CEP290: variants seen among roughly 807,000 people sequenced by gnomAD.
The protein encoded by CEP290 is centrosomal protein 290, also known as centrosomal protein of 290 kDa.
CEP290 carries 317 observed loss-of-function variants against 344.9 expected under a neutral mutation model. The ratio of observed to expected loss-of-function variants is 0.92; its 90% CI spans 0.84 to 1.01. The LOEUF (loss-of-function observed/expected upper bound fraction) is 1.01. CEP290 is among the 50% of genes least tolerant of loss of function. CEP290 has a pLI of 0.00. For missense variants in CEP290, 2,754 were observed against 2,761.4 expected (o/e 1.00, Z 0.06); for synonymous variants, 932 against 895.8 (o/e 1.04, Z -0.72).
chr12:88,124,577 T>G (rs1422969535), intron 13 of CEP290, among the ~76,000 whole-genome samples: 1 of 151,762 alleles, frequency 6.6e-6, no homozygotes, highest in Non-Finnish European at 1.5e-5. Flanking sequence ...TATATATATG[T>G]GTATATATGT....
chr12:88,103,121 AT>A (rs1565871063), intron 25 of CEP290, 110 bp from the exon 26 acceptor site: 1 of 538,830 alleles, frequency 1.9e-6, no homozygotes, highest in Non-Finnish European at 3.0e-6. Flanking sequence ...TTTTAAAATC[AT>A]TTTTAAAATA....
chr12:88,131,212 G>C lies in CEP290; in HGVS notation c.448C>G (p.Leu150Val). The part of the protein sequence containing the change: ...KEKKVNEQLA[L>V]RNEEAENENS... Reference sequence around the variant, plus strand: ...TCATTTTCTGCCTCCTCATTTCGAAGAGCCAACTAAAATAGTAAAAAAAAA... The same window carrying C: ...TCATTTTCTGCCTCCTCATTTCGAACAGCCAACTAAAATAGTAAAAAAAAA... The change falls in exon 7 of 54, where the codon CTT becomes GTT. Residue 150 changes from leucine to valine, a missense_variant. By Grantham distance (32) the Leu-to-Val change is conservative. Coordinates refer to ENST00000552810, the MANE Select transcript of CEP290 (RefSeq NM_025114.4). The C allele has an allele frequency of 1.3e-6, 2 of 1,489,176 alleles. No homozygotes were observed. The highest frequency in any genetic ancestry group is 1.5e-5 in the African/African-American group (1 of 67,718). The allele number at this position is 1,489,176 out of a possible 1,614,324, so 92.2% of individuals were successfully genotyped here.
intron 32 of CEP290, among the ~76,000 whole-genome samples, chr12:88,086,798 T>C (rs1177350548): frequency 1.3e-5 from 2 of 152,028 alleles, no homozygotes. Flanking sequence ...TTCTAGGAAA[T>C]ACAAACATGG....
intron 28 of CEP290, 43 bp from the exon 29 acceptor site, chr12:88,092,875 G>A: frequency 6.3e-7 from 1 of 1,585,146 alleles, no homozygotes. Flanking sequence ...ATCAATTTTT[G>A]GTGAGGTTTT....
Position 88,109,124 on chromosome 12 carries a change from T to C in CEP290, c.2425A>G (p.Asn809Asp), listed in dbSNP as rs1346200126. Residue 809 changes from asparagine to aspartate, a missense_variant, in exon 23 of 54, where the codon AAC (asparagine) becomes GAC (aspartate). Asn to Asp is a conservative substitution (Grantham distance 23). Transcript: ENST00000552810. The part of the protein sequence containing the change: ...KNLEDSLEDY[N>D]RKFAVIRHQQ... ...TGACGAATTACAGCAAATTTTCTGTTGTAATCTTCAAGAGAATCTTCTAAA... is the reference window on the plus strand; with the variant it reads ...TGACGAATTACAGCAAATTTTCTGTCGTAATCTTCAAGAGAATCTTCTAAA... 3.4e-6 allele frequency: 5 copies of C among 1,473,962 alleles called. No individual in the cohort carries two copies. In the South Asian group the frequency reaches 5.6e-5, roughly 17 times the overall value. The allele number at this position is 1,473,962 out of a possible 1,614,324, so 91.3% of individuals were successfully genotyped here. A position where few individuals can be genotyped will look rare whatever the true frequency, so the allele number is the denominator to read the frequency against.
Position 88,096,915 on chromosome 12 carries a change from G to C in CEP290, c.3076C>G (p.Gln1026Glu). The C allele has an allele frequency of 1.3e-6, 2 of 1,575,654 alleles. No individual in the cohort carries two copies. The highest frequency in any genetic ancestry group is 1.7e-6 in the Non-Finnish European group (2 of 1,156,568). The change falls in exon 27 of 54, where the codon CAA becomes GAA. Residue 1026 changes from glutamine to glutamate, a missense_variant. Physicochemically the swap from Gln to Glu is conservative, Grantham distance 29 (BLOSUM62 2). Transcript: ENST00000552810. ...ITKEKLHTIE[Q>E]AWEQETKLGN... Reference sequence around the variant, plus strand: ...AATTTAGTTTCCTGTTCCCAGGCTTGTTCAATAGTGTGAAGTTTTTCCTTG... The same window carrying C: ...AATTTAGTTTCCTGTTCCCAGGCTTCTTCAATAGTGTGAAGTTTTTCCTTG...
chr12:88,113,146 T>C (rs1180624729), intron 20 of CEP290, among the ~76,000 whole-genome samples: 1 of 152,060 alleles, frequency 6.6e-6, no homozygotes, highest in African/African-American at 2.4e-5. Flanking sequence ...ATGCAAACAG[T>C]GGCTTCAGGA....
At chr12:88,125,462 T>C (rs1326958590) in intron 12 of CEP290, 93 bp from the exon 13 acceptor site, 3 of 540,774 alleles carry the variant, frequency 5.5e-6, no homozygotes, top group Non-Finnish European at 8.4e-6. Context: ...TCAACAAGAC[T>C]GTAGAACATA....
rs2038009620 is a variant in CEP290 at position 88,102,976 on chromosome 12, T to C, written c.2853A>G (p.Lys951=). ...MAIFKIAALQ[K]VVDNSVSLSE... ...ACAAAGAAACACTATTATCTACAAC[T>C]TTTTGGAGAGCTGCAATCTTGAAAA... Residue 951 remains lysine, a synonymous_variant, in exon 26 of 54, where the codon AAA becomes AAG. Coordinates refer to ENST00000552810, the MANE Select transcript of CEP290 (RefSeq NM_025114.4). 6.4e-7 allele frequency: 1 copy of C among 1,574,002 alleles called. No homozygotes were observed.
At chr12:88,128,491 G>GA (rs1565912224) in intron 11 of CEP290, among the ~76,000 whole-genome samples, 1 of 152,146 alleles carries the variant, frequency 6.6e-6, no homozygotes, top group Non-Finnish European at 1.5e-5. Flanking sequence ...TGGTGAGGAA[G>GA]AAAAGTGTAT....
chr12:88,118,444 C>T, intron 17 of CEP290, 39 bp downstream of exon 17: 4 of 1,444,368 alleles, frequency 2.8e-6, no homozygotes, highest in Non-Finnish European at 3.8e-6. Flanking sequence ...ACTCACTTAT[C>T]AATAATTCTT....
intron 14 of CEP290, among the ~76,000 whole-genome samples, chr12:88,120,697 C>T (rs1045355272): frequency 3.3e-5 from 5 of 152,080 alleles, no homozygotes; most frequent in African/African-American, 1.2e-4. Context: ...GTCAAATTGG[C>T]CAGTGGTGTC....
rs142578405 is a variant in CEP290 at position 88,099,833 on chromosome 12, C to G, written c.2992-2834G>C. ...TTTCATCCTTTTTCACAGGATAATC[C>G]TATTGTTTGTTACAAATCTCTTTTT... On this transcript the variant is annotated intron_variant, in intron 26 of 53. Coordinates refer to ENST00000552810, the MANE Select transcript of CEP290 (RefSeq NM_025114.4). Among the ~76,000 whole-genome samples, 13 of 152,056 alleles carry G rather than the reference C, an allele frequency of 8.5e-5. No individual in the cohort carries two copies. The East Asian group carries it at 2.1e-3, about 25-fold the overall frequency.
rs1592573783 is a variant in CEP290 at position 88,102,733 on chromosome 12, T to C, written c.2991+105A>G. 11 of 824,702 alleles carry C rather than the reference T, an allele frequency of 1.3e-5. No homozygotes were observed. In the East Asian group the frequency reaches 3.0e-4, roughly 23 times the overall value. 51.1% of individuals were successfully genotyped at this position (824,702 alleles called of 1,614,324 possible). ...TAATTATATCTCTGTTAAATTTATA[T>C]AAATGCAGGCAAACTTTAATTAAAA... On this transcript the variant is annotated intron_variant, in intron 26 of 53. Transcript: ENST00000552810.
chr12:88,054,330 C>CATG lies in CEP290; in HGVS notation c.7034+7_7034+9dup, dbSNP rs1457870822. On this transcript the variant is annotated intron_variant, in intron 51 of 53. Transcript: ENST00000552810. ...AAAAAACAAAGTAGTCATATGAATA[C>CATG]ATGATGTACCTAAGAACTTGAAGCT... 1 of 1,569,598 alleles carries CATG rather than the reference C, an allele frequency of 6.4e-7. No individual in the cohort carries two copies. Among genetic ancestry groups the CATG allele is most frequent in the Admixed American group, 1.8e-5 (1 of 55,126 alleles).
At chr12:88,054,171 T>C (rs1223222303) in intron 51 of CEP290, among the ~76,000 whole-genome samples, 169 bp downstream of exon 51, 4 of 152,122 alleles carry the variant, frequency 2.6e-5, no homozygotes, top group Non-Finnish European at 5.9e-5. Flanking sequence ...GTGTGTATTA[T>C]GAAAAAGAGT....
intron 13 of CEP290, among the ~76,000 whole-genome samples, chr12:88,122,741 TTTAAAC>T (rs2039484597): frequency 6.6e-6 from 1 of 152,164 alleles, no homozygotes; most frequent in Non-Finnish European, 1.5e-5. Flanking sequence ...TTTAAAGCAG[TTTAAAC>T]TACTTTCAAA....
At chr12:88,080,455 A>C (rs1406724990) in intron 37 of CEP290, 60 bp from the exon 38 acceptor site, 3 of 1,240,958 alleles carry the variant, frequency 2.4e-6, no homozygotes, top group East Asian at 2.4e-5. Context: ...TTTGAGACCC[A>C]GTCTCACTCT....
At chr12:88,080,482 TGCA>T in intron 37 of CEP290, 87 bp from the exon 38 acceptor site, 1 of 956,358 alleles carries the variant, frequency 1.0e-6, no homozygotes, top group Non-Finnish European at 1.5e-6. Flanking sequence ...CAGGCTGGAG[TGCA>T]GCAGCGCAAT....
Sources: gnomAD v4.1 joint callset for allele counts (sites outside exome capture counted in the v4.1 genomes callset) on GRCh38, gnomAD v4.1.1 for gene constraint, MANE v1.5 for transcripts, NCBI Gene and HGNC (gene_info 2026-07-23, HGNC 2026-07-21) for gene names.